The following DPP10 variants were observed in gnomAD, a reference collection of about 807,000 sequenced individuals.
DPP10 encodes dipeptidyl peptidase like 10, also known as inactive dipeptidyl peptidase 10.
Under a neutral mutation model 120.9 loss-of-function variants are expected in DPP10, and 33 were observed. That is an observed-to-expected ratio of 0.27 (90% confidence interval 0.21 to 0.37). The LOEUF is 0.37. Ranked by LOEUF, DPP10 falls within the 10% of genes least tolerant of loss-of-function variation. DPP10 has a pLI of 1.00. For missense variants in DPP10, 816 were observed against 942.8 expected (o/e 0.87, Z 1.76); for synonymous variants, 337 against 326.1 (o/e 1.03, Z -0.36).
chr2:115,067,621 T>G (rs1706998290), intron 1 of DPP10, among the ~76,000 whole-genome samples: 1 of 142,090 alleles, frequency 7.0e-6, no homozygotes, highest in African/African-American at 2.6e-5. Context: ...CCCAACACTT[T>G]GGGAAGTCGA....
chr2:114,502,858 A>G lies in DPP10; in HGVS notation c.60+60020A>G, dbSNP rs555516984. On this transcript the variant is annotated intron_variant, in intron 1 of 25. Coordinates refer to ENST00000410059, the MANE Select transcript of DPP10 (RefSeq NM_020868.6). The stretch of plus-strand genomic sequence containing the variant: ...CTTTAAATGTATGATTTCTATGCAA[A>G]TTGAGATCAGACTAAGTGTGAATTC... Among the ~76,000 whole-genome samples, 5 of 152,324 alleles carry G rather than the reference A, an allele frequency of 3.3e-5. No homozygotes were observed. The South Asian group carries it at 1.0e-3, about 32-fold the overall frequency.
At chr2:115,673,163 A>T (rs749268203) in intron 5 of DPP10, among the ~76,000 whole-genome samples, 3 of 152,160 alleles carry the variant, frequency 2.0e-5, no homozygotes, top group African/African-American at 7.2e-5. Flanking sequence ...CTCTCTCCAA[A>T]ACAGAACAAT....
At chr2:114,701,529 A>G (rs1337621271) in intron 1 of DPP10, among the ~76,000 whole-genome samples, 1 of 152,162 alleles carries the variant, frequency 6.6e-6, no homozygotes, top group Non-Finnish European at 1.5e-5. Flanking sequence ...TAATCTTGCA[A>G]GGTAGAAATT....
At chr2:115,574,046 AAATT>A (rs1337540281) in intron 5 of DPP10, among the ~76,000 whole-genome samples, 1 of 152,096 alleles carries the variant, frequency 6.6e-6, no homozygotes, top group Admixed American at 6.6e-5. Context: ...GGGTTGTTGT[AAATT>A]AATTCAATCA....
chr2:115,486,665 A>G (rs2075797369), intron 3 of DPP10, among the ~76,000 whole-genome samples: 2 of 152,194 alleles, frequency 1.3e-5, no homozygotes. Flanking sequence ...AAAGTTAATC[A>G]GTTAAAGCTG....
chr2:115,198,275 C>G (rs903920386), intron 1 of DPP10, among the ~76,000 whole-genome samples: 1 of 152,094 alleles, frequency 6.6e-6, no homozygotes, highest in Non-Finnish European at 1.5e-5. Context: ...TATAATAGGT[C>G]GTAACACCCT....
At chr2:114,960,657 C>A (rs1357771045) in intron 1 of DPP10, among the ~76,000 whole-genome samples, 1 of 152,090 alleles carries the variant, frequency 6.6e-6, no homozygotes, top group Non-Finnish European at 1.5e-5. Flanking sequence ...CATAATAACA[C>A]TCGCACAGTG....
intron 1 of DPP10, among the ~76,000 whole-genome samples, chr2:115,200,982 CAA>C (rs1424293879): frequency 6.6e-6 from 1 of 152,150 alleles, no homozygotes; most frequent in African/African-American, 2.4e-5. Flanking sequence ...TATTTGGAAA[CAA>C]GAGAGACTTC....
intron 1 of DPP10, among the ~76,000 whole-genome samples, chr2:114,688,992 A>G (rs1699553989): frequency 6.6e-6 from 1 of 151,630 alleles, no homozygotes; most frequent in Non-Finnish European, 1.5e-5. Context: ...TTAACATTCC[A>G]GGTTAATACT....
At position 115,121,291 on chromosome 2, in the gene DPP10, C is replaced by T. The variant is rs569080240; in HGVS notation, c.61-187948C>T. On this transcript the variant is annotated intron_variant, in intron 1 of 25. Coordinates refer to ENST00000410059, the MANE Select transcript of DPP10 (RefSeq NM_020868.6). ...TAAAGGTGTGTGAATCTTTTCTTTT[C>T]GAGGGAAGTGATACCATTTTCCCCC... Among the ~76,000 whole-genome samples, 15 of 152,238 alleles carry T rather than the reference C, an allele frequency of 9.9e-5. No individual in the cohort carries two copies. The South Asian group carries it at 2.5e-3, about 25-fold the overall frequency.
At chr2:115,751,013 A>G (rs1335321072) in intron 10 of DPP10, among the ~76,000 whole-genome samples, 1 of 152,156 alleles carries the variant, frequency 6.6e-6, no homozygotes, top group African/African-American at 2.4e-5. Context: ...CAAATTTCTG[A>G]TTATATTAGA....
chr2:115,498,113 G>A (rs13033419), intron 3 of DPP10, among the ~76,000 whole-genome samples: 32,223 of 151,824 alleles, frequency 0.21, 3,932 homozygotes, highest in East Asian at 0.39. Context: ...TTCCTAAAAA[G>A]TCCATTTGAC....
intron 1 of DPP10, among the ~76,000 whole-genome samples, chr2:114,501,328 A>G (rs1683160371): frequency 6.6e-6 from 1 of 152,226 alleles, no homozygotes; most frequent in Non-Finnish European, 1.5e-5. Context: ...TGAGTGTGCA[A>G]TGAATACTAG....
At position 114,783,790 on chromosome 2, in the gene DPP10, C is replaced by T. The variant is rs79838651; in HGVS notation, c.60+340952C>T. ...TCTAGGCTGCAGTGAGCTGTGTTTG[C>T]GTCACTGCACTCCAGTCTGGGTGAC... On this transcript the variant is annotated intron_variant, in intron 1 of 25. Coordinates refer to ENST00000410059, the MANE Select transcript of DPP10 (RefSeq NM_020868.6). 7.9e-5 allele frequency among the ~76,000 whole-genome samples: 12 copies of T among 152,020 alleles called. No individual in the cohort carries two copies. The East Asian group carries it at 1.2e-3, about 15-fold the overall frequency.
At chr2:114,461,112 G>A (rs59523702) in intron 1 of DPP10, among the ~76,000 whole-genome samples, 2,924 of 152,246 alleles carry the variant, frequency 0.019, 91 homozygotes, top group African/African-American at 0.067. Flanking sequence ...AATATTAAAA[G>A]CACATGCCAG....
intron 3 of DPP10, among the ~76,000 whole-genome samples, chr2:115,440,130 A>G (rs2071890211): frequency 6.6e-6 from 1 of 151,946 alleles, no homozygotes; most frequent in South Asian, 2.1e-4. Flanking sequence ...GGAATTTGTA[A>G]TAGAGAAAGA....
At chr2:114,569,920 A>G (rs1689494995) in intron 1 of DPP10, among the ~76,000 whole-genome samples, 1 of 152,214 alleles carries the variant, frequency 6.6e-6, no homozygotes, top group South Asian at 2.1e-4. Context: ...CTGTCAATCA[A>G]TGTATCATTT....
intron 1 of DPP10, among the ~76,000 whole-genome samples, chr2:115,168,938 A>G (rs2053106749): frequency 6.6e-6 from 1 of 152,336 alleles, no homozygotes; most frequent in Middle Eastern, 3.4e-3. Flanking sequence ...TCTGTTCTGT[A>G]ATTGATGTGA....
At chr2:114,756,864 C>T (rs1415479833) in intron 1 of DPP10, among the ~76,000 whole-genome samples, 2 of 152,056 alleles carry the variant, frequency 1.3e-5, no homozygotes, top group Non-Finnish European at 2.9e-5. Flanking sequence ...ATTTATACTC[C>T]TAGGAAAAAT....
Sources: gnomAD v4.1 joint callset for allele counts (sites outside exome capture counted in the v4.1 genomes callset) on GRCh38, gnomAD v4.1.1 for gene constraint, MANE v1.5 for transcripts, NCBI Gene and HGNC (gene_info 2026-07-23, HGNC 2026-07-21) for gene names.